TCN2: variants seen among roughly 807,000 people sequenced by gnomAD.
TCN2 encodes transcobalamin-2.
Under a neutral mutation model 48.6 loss-of-function variants are expected in TCN2, and 34 were observed. The ratio of observed to expected loss-of-function variants is 0.70; its 90% CI spans 0.53 to 0.93. The LOEUF is 0.93. Among genes scored for constraint, TCN2 ranks in the 40% least tolerant of loss-of-function variants. The pLI, the probability that TCN2 is intolerant of heterozygous loss-of-function variation, is 0.00. For synonymous variants in TCN2, 283 were observed against 212.5 expected (o/e 1.33, Z -2.89); for missense variants, 652 against 526.1 (o/e 1.24, Z -2.34).
intron 6 of TCN2, 127 bp downstream of exon 6, chr22:30,615,914 C>T (rs2087607168): frequency 8.8e-7 from 1 of 1,139,648 alleles, no homozygotes; most frequent in Non-Finnish European, 1.3e-6. Flanking sequence ...GTGCATGGGA[C>T]ACAGCAGCCA....
In TCN2 at chr22:30,623,267, G is replaced by A. The variant is rs2087724850; in HGVS notation, c.1222+184G>A. 12 of 541,316 alleles carry A rather than the reference G, an allele frequency of 2.2e-5. 1 individual carries two copies. Among genetic ancestry groups the A allele is most frequent in the Non-Finnish European group, 3.6e-5 (11 of 307,136 alleles). 33.5% of individuals were successfully genotyped at this position (541,316 alleles called of 1,614,324 possible). ...CCTTAGAATTTTTATGCAAGTTACT[G>A]TGGAAATTCTAGGAAACCAGACAGA... On this transcript the variant is annotated intron_variant, in intron 8 of 8. Transcript: ENST00000215838.
At chr22:30,611,322 T>A (rs953886396) in intron 2 of TCN2, among the ~76,000 whole-genome samples, 2 of 152,206 alleles carry the variant, frequency 1.3e-5, no homozygotes, top group African/African-American at 4.8e-5. Context: ...ACTATACTCT[T>A]TGATGATGAG....
chr22:30,623,717 C>CACACATATATATGTATACATATATAT (rs1555896175), intron 8 of TCN2, among the ~76,000 whole-genome samples: 4,577 of 129,946 alleles, frequency 0.035, 2,179 homozygotes, highest in Non-Finnish European at 0.051. Context: ...TATATACAGA[C>CACACATATATATGTATACATATATAT]ACACATATAT....
In TCN2 at chr22:30,615,257, C is replaced by T. The variant is rs767551025; in HGVS notation, c.581-44C>T. 1.9e-6 allele frequency: 3 copies of T among 1,612,816 alleles called. No individual in the cohort carries two copies. In the Admixed American group the frequency reaches 5.0e-5, roughly 27 times the overall value. On this transcript the variant is annotated intron_variant, in intron 4 of 8. Transcript: ENST00000215838. ...CTCAAGCCCCTGCCTGTCCTGGCCC[C>T]TTTGGCTCTCCAGCTCATTGCATGT...
chr22:30,622,847 G>T, intron 7 of TCN2, 121 bp from the exon 8 acceptor site: 1 of 1,010,268 alleles, frequency 9.9e-7, no homozygotes, highest in Non-Finnish European at 1.6e-6. Flanking sequence ...GCCTGGGAAG[G>T]GTTTGACGAG....
rs796472626 is a variant in TCN2 at position 30,615,661 on chromosome 22, G to T, written c.814G>T (p.Val272Phe). The change falls in exon 6 of 9, where the codon GTT (valine) becomes TTT (phenylalanine). Residue 272 changes from valine to phenylalanine, a missense_variant. By Grantham distance (50) the Val-to-Phe change is conservative (BLOSUM62 -1). Transcript: ENST00000215838. ...GGGAACAGCATGTCTCAAGGCGAGG[G>T]TTGCTTTGCTGGCCAGTCTGCAGGA... The part of the protein sequence containing the change: ...ELGTACLKAR[V>F]ALLASLQDGA... 3.1e-6 allele frequency: 5 copies of T among 1,614,178 alleles called. No homozygotes were observed. Among genetic ancestry groups the T allele is most frequent in the Non-Finnish European group, 4.2e-6 (5 of 1,180,046 alleles).
chr22:30,615,234 C>T, intron 4 of TCN2, 67 bp from the exon 5 acceptor site: 1 of 1,574,072 alleles, frequency 6.4e-7, no homozygotes, highest in East Asian at 2.2e-5. Flanking sequence ...GCCTGACCCT[C>T]AAGCCCCTGC....
intron 7 of TCN2, chr22:30,617,850 C>T (rs1172523211): frequency 5.6e-6 from 2 of 357,230 alleles, no homozygotes; most frequent in South Asian, 2.6e-5. Flanking sequence ...GAGATAGTGG[C>T]ATGTGCTTTT....
intron 2 of TCN2, among the ~76,000 whole-genome samples, chr22:30,611,598 C>G (rs969043901): frequency 3.3e-5 from 5 of 152,242 alleles, no homozygotes; most frequent in African/African-American, 9.6e-5. Context: ...ACCTCCAATT[C>G]CCGGGTTCAA....
Position 30,607,190 on chromosome 22 carries a change from A to C in TCN2, c.-142A>C. On this transcript the variant is annotated 5_prime_UTR_variant, in exon 1 of 9. Transcript: ENST00000215838. ...CACCCCTCTGCAGACTTAGCCGTGC[A>C]TTGCAGGCATGGAGGATTAATCAGT... The C allele has an allele frequency of 6.8e-6, 6 of 880,426 alleles. No individual in the cohort carries two copies. The highest frequency in any genetic ancestry group is 9.3e-6 in the Non-Finnish European group (5 of 536,658). The allele number at this position is 880,426 out of a possible 1,614,324, so 54.5% of individuals were successfully genotyped here.
intron 3 of TCN2, among the ~76,000 whole-genome samples, chr22:30,614,057 A>G (rs1237512279): frequency 6.6e-6 from 1 of 152,104 alleles, no homozygotes; most frequent in East Asian, 1.9e-4. Context: ...CAGCCACCCA[A>G]ATATCACTAC....
rs1602056564 is a variant in TCN2, at chr22:30,623,793, T to C, written c.1222+710T>C. ...ATACACACATATATATGTATACATATATACACACATACACATATATACACA... is the reference window on the plus strand; with the variant it reads ...ATACACACATATATATGTATACATACATACACACATACACATATATACACA... On this transcript the variant is annotated intron_variant, in intron 8 of 8. Transcript: ENST00000215838. Among the ~76,000 whole-genome samples the C allele has an allele frequency of 4.7e-3, 12 of 2,560 alleles. 5 individuals carry two copies. The highest frequency in any genetic ancestry group is 9.0e-3 in the African/African-American group (4 of 442). 1.7% of individuals were successfully genotyped at this position (2,560 alleles called of 152,430 possible). A position where few individuals can be genotyped will look rare whatever the true frequency, so the allele number is the denominator to read the frequency against.
At position 30,626,632 on chromosome 22, in the gene TCN2, C is replaced by A; in HGVS notation, c.*111C>A. 1 of 1,234,654 alleles carries A rather than the reference C, an allele frequency of 8.1e-7. No homozygotes were observed. 76.5% of individuals were successfully genotyped at this position (1,234,654 alleles called of 1,614,324 possible). On this transcript the variant is annotated 3_prime_UTR_variant, in exon 9 of 9. Coordinates refer to ENST00000215838, the MANE Select transcript of TCN2 (RefSeq NM_000355.4). Reference sequence around the variant, plus strand: ...TGACCCTGCTGCCACCTCCTGTGCACTTTGAGCAATGCCCCCTGGGATCAC... The same window carrying A: ...TGACCCTGCTGCCACCTCCTGTGCAATTTGAGCAATGCCCCCTGGGATCAC...
At chr22:30,626,386 G>A (rs1569048646) in intron 8 of TCN2, 74 bp from the exon 9 acceptor site, 1 of 1,495,980 alleles carries the variant, frequency 6.7e-7, no homozygotes, top group East Asian at 2.3e-5. Context: ...TCAGGGTGGG[G>A]GGTCTGGAAG....
intron 8 of TCN2, among the ~76,000 whole-genome samples, chr22:30,623,991 T>C (rs865849593): frequency 9.0e-4 from 47 of 52,080 alleles, no homozygotes; most frequent in Non-Finnish European, 1.7e-3. Context: ...TATACATATA[T>C]ACACACATAT....
rs79508485 is a variant in TCN2, at chr22:30,621,384, C to T, written c.1107-1584C>T. Among the ~76,000 whole-genome samples the T allele has an allele frequency of 6.8e-4, 104 of 152,262 alleles. 1 individual carries two copies. In the East Asian group the frequency reaches 0.01, roughly 15 times the overall value. ...CCCAGAGAGCACTTTGTAGAAGATG[C>T]GTTTGTTCACATCACTTCCCTGTTA... is the stretch of plus-strand genomic sequence containing the variant. On this transcript the variant is annotated intron_variant, in intron 7 of 8. Coordinates refer to ENST00000215838, the MANE Select transcript of TCN2 (RefSeq NM_000355.4).
intron 2 of TCN2, among the ~76,000 whole-genome samples, chr22:30,612,641 C>G (rs1310048545): frequency 1.3e-5 from 2 of 152,188 alleles, no homozygotes; most frequent in East Asian, 3.9e-4. Context: ...CACAGATGAT[C>G]TGGACACAGG....
At chr22:30,621,912 A>C (rs1037900140) in intron 7 of TCN2, among the ~76,000 whole-genome samples, 6 of 152,178 alleles carry the variant, frequency 3.9e-5, no homozygotes, top group Non-Finnish European at 5.9e-5. Flanking sequence ...TCATCTCTTG[A>C]AGCCCTTCTT....
Position 30,623,865 on chromosome 22 carries a change from CAT to C in TCN2, c.1222+788_1222+789del, listed in dbSNP as rs527940044. ...ACACATACATACACATACATACACA[CAT>C]ATATACACACATATATACACACATA... On this transcript the variant is annotated intron_variant, in intron 8 of 8. Transcript: ENST00000215838. Among the ~76,000 whole-genome samples, 236 of 49,592 alleles carry C rather than the reference CAT, an allele frequency of 4.8e-3. 69 individuals are homozygous for C. The highest frequency in any genetic ancestry group is 7.1e-3 in the South Asian group (18 of 2,530). 32.5% of individuals were successfully genotyped at this position (49,592 alleles called of 152,430 possible).
Sources: gnomAD v4.1 joint callset for allele counts (sites outside exome capture counted in the v4.1 genomes callset) on GRCh38, gnomAD v4.1.1 for gene constraint, MANE v1.5 for transcripts, NCBI Gene and HGNC (gene_info 2026-07-23, HGNC 2026-07-21) for gene names.